SEPTIN9: variants seen among roughly 807,000 people sequenced by gnomAD.
SEPTIN9 encodes septin 9.
Under a neutral mutation model 56.6 loss-of-function variants are expected in SEPTIN9, and 13 were observed. That is an observed-to-expected ratio of 0.23 (90% CI 0.15 to 0.37). The LOEUF is 0.37. Among genes scored for constraint, SEPTIN9 ranks in the 10% least tolerant of loss-of-function variants. SEPTIN9 has a pLI of 1.00. For missense variants in SEPTIN9, 650 were observed against 823.1 expected (o/e 0.79, Z 2.57); for synonymous variants, 332 against 334.1 (o/e 0.99, Z 0.07).
At chr17:77,373,351 G>C (rs2034788136) in intron 2 of SEPTIN9, 12 of 1,189,330 alleles carry the variant, frequency 1.0e-5, no homozygotes, top group Non-Finnish European at 1.2e-5. Flanking sequence ...ATTCAGCTGA[G>C]CCAGGGGGCC....
chr17:77,398,960 C>T (rs973092967), intron 2 of SEPTIN9, among the ~76,000 whole-genome samples: 4 of 152,148 alleles, frequency 2.6e-5, no homozygotes, highest in African/African-American at 9.7e-5. Flanking sequence ...CATGAAAAGA[C>T]ACCAAGCATT....
chr17:77,287,865 A>C lies in SEPTIN9; in HGVS notation c.19+6311A>C. 14 of 1,015,082 alleles carry C rather than the reference A, an allele frequency of 1.4e-5. No homozygotes were observed. The East Asian group carries it at 3.3e-4, about 24-fold the overall frequency. 62.9% of individuals were successfully genotyped at this position (1,015,082 alleles called of 1,614,324 possible). On this transcript the variant is annotated intron_variant, in intron 1 of 11. Transcript: ENST00000427177. Reference sequence around the variant, plus strand: ...ACAGGAAACAGGAGTGGCGCAGGGAATGTAAGATGATCCCAGCTTCAAGTC... The same window carrying C: ...ACAGGAAACAGGAGTGGCGCAGGGACTGTAAGATGATCCCAGCTTCAAGTC...
chr17:77,485,949 G>A (rs1269426078), intron 4 of SEPTIN9, among the ~76,000 whole-genome samples: 1 of 151,628 alleles, frequency 6.6e-6, no homozygotes, highest in Non-Finnish European at 1.5e-5. Flanking sequence ...AGTGATTCTC[G>A]TGCCTCAGGC....
chr17:77,441,695 T>A (rs2037553313), intron 3 of SEPTIN9, among the ~76,000 whole-genome samples: 1 of 152,184 alleles, frequency 6.6e-6, no homozygotes, highest in African/African-American at 2.4e-5. Context: ...GCTGAAGATT[T>A]TTCTTTCCGT....
chr17:77,297,706 G>A (rs113945231), intron 1 of SEPTIN9, among the ~76,000 whole-genome samples: 1 of 152,236 alleles, frequency 6.6e-6, no homozygotes, highest in Non-Finnish European at 1.5e-5. Flanking sequence ...AAGCACTGGG[G>A]CACAGCAGTG....
intron 2 of SEPTIN9, chr17:77,374,556 C>T (rs1256938669): frequency 6.6e-6 from 1 of 152,394 alleles, no homozygotes; most frequent in East Asian, 1.9e-4. Flanking sequence ...CCTAGGCTGA[C>T]TTGGGCAGAG....
In SEPTIN9 at chr17:77,488,807, G is replaced by T; in HGVS notation, c.1205G>T (p.Arg402Leu). 1 of 1,613,782 alleles carries T rather than the reference G, an allele frequency of 6.2e-7. No individual in the cohort carries two copies. The highest frequency in any genetic ancestry group is 1.1e-5 in the South Asian group (1 of 91,088). Residue 402 changes from arginine (R) to leucine (L), a missense_variant, in exon 7 of 12, where the codon CGC becomes CTC. Coordinates refer to ENST00000427177, the MANE Select transcript of SEPTIN9 (RefSeq NM_001113491.2). Reference sequence around the variant, plus strand: ...GAGGTCAACATCAACCGCAAGAAGCGCATCCCGGACACCCGCGTCCACTGC... The same window carrying T: ...GAGGTCAACATCAACCGCAAGAAGCTCATCCCGGACACCCGCGTCCACTGC... ...QEEVNINRKK[R>L]IPDTRVHCCL...
At chr17:77,296,054 T>C (rs1244098831) in intron 1 of SEPTIN9, among the ~76,000 whole-genome samples, 1 of 152,020 alleles carries the variant, frequency 6.6e-6, no homozygotes, top group Non-Finnish European at 1.5e-5. Context: ...GATGTCCTTA[T>C]AAGAAGAGGG....
chr17:77,389,360 T>C lies in SEPTIN9; in HGVS notation c.77-12699T>C, dbSNP rs2035452806. Among the ~76,000 whole-genome samples the C allele has an allele frequency of 1.3e-5, 2 of 151,910 alleles. No homozygotes were observed. The highest frequency in any genetic ancestry group is 6.6e-5 in the Admixed American group (1 of 15,264). ...CAGGAGCCAGCATCACGTTTCTCTG[T>C]CTCCAGAATCGAGGACGGAGAGCTG... On this transcript the variant is annotated intron_variant, in intron 2 of 11. Transcript: ENST00000427177. The surrounding 1 kb of genome is among the most constrained non-coding windows in gnomAD (Gnocchi z 4.3).
chr17:77,499,697 T>C lies in SEPTIN9; in HGVS notation c.*1039T>C. 1.5e-5 allele frequency: 6 copies of C among 394,320 alleles called. No individual in the cohort carries two copies. Among genetic ancestry groups the C allele is most frequent in the Non-Finnish European group, 2.9e-5 (6 of 210,324 alleles). 24.4% of individuals were successfully genotyped at this position (394,320 alleles called of 1,614,324 possible). On this transcript the variant is annotated 3_prime_UTR_variant, in exon 12 of 12. Coordinates refer to ENST00000427177, the MANE Select transcript of SEPTIN9 (RefSeq NM_001113491.2). ...CCGTCTGTCTGTCTAGTGTCTGGGT[T>C]TGGCCCAAGACTGGGCTGTAGTTAC...
chr17:77,316,715 T>TCC (rs2032721421), intron 2 of SEPTIN9, among the ~76,000 whole-genome samples: 3 of 139,784 alleles, frequency 2.1e-5, no homozygotes, highest in African/African-American at 7.8e-5. Flanking sequence ...TTTTTTTTTT[T>TCC]TTTTAATTTG....
intron 2 of SEPTIN9, among the ~76,000 whole-genome samples, chr17:77,328,009 G>T (rs1230583790): frequency 6.6e-6 from 1 of 150,956 alleles, no homozygotes; most frequent in Non-Finnish European, 1.5e-5. Flanking sequence ...GTGTCCCCGT[G>T]CCTAGTGTGT....
In SEPTIN9 at chr17:77,487,400, AC is replaced by A. The variant is rs1444369054; in HGVS notation, c.914-22del. The A allele has an allele frequency of 6.3e-7, 1 of 1,583,072 alleles. No individual in the cohort carries two copies. Among genetic ancestry groups the A allele is most frequent in the Non-Finnish European group, 8.6e-7 (1 of 1,165,622 alleles). On this transcript the variant is annotated intron_variant, in intron 4 of 11. Coordinates refer to ENST00000427177, the MANE Select transcript of SEPTIN9 (RefSeq NM_001113491.2). This position sits in a 1 kb window ranked among gnomAD's most constrained non-coding sequence, Gnocchi z 4.3. ...GCTGGTCTCTCCGGAGAGACCCCTG[AC>A]CGGCCTCCCATCCTCTCCCCAGGGC... is the stretch of plus-strand genomic sequence containing the variant.
intron 3 of SEPTIN9, among the ~76,000 whole-genome samples, chr17:77,420,111 A>G (rs981574526): frequency 2.6e-5 from 4 of 152,038 alleles, no homozygotes; most frequent in Non-Finnish European, 5.9e-5. Context: ...GTGGCAGCCT[A>G]GGGGAGCCCT....
rs938351875 is a variant in SEPTIN9 at position 77,402,845 on chromosome 17, G to C, written c.721+142G>C. 1 of 810,006 alleles carries C rather than the reference G, an allele frequency of 1.2e-6. No homozygotes were observed. The highest frequency in any genetic ancestry group is 2.0e-5 in the South Asian group (1 of 50,308). The allele number at this position is 810,006 out of a possible 1,614,324, so 50.2% of individuals were successfully genotyped here. A position where few individuals can be genotyped will look rare whatever the true frequency, so the allele number is the denominator to read the frequency against. On this transcript the variant is annotated intron_variant, in intron 3 of 11. Coordinates refer to ENST00000427177, the MANE Select transcript of SEPTIN9 (RefSeq NM_001113491.2). This position sits in a 1 kb window ranked among gnomAD's most constrained non-coding sequence, Gnocchi z 6.6. ...GACCCAGAAAGACCGGAATGCATGG[G>C]GGTGGGGGTCTGCAAGCTCAGGAGA...
intron 2 of SEPTIN9, among the ~76,000 whole-genome samples, chr17:77,353,140 A>G (rs923473153): frequency 2.0e-5 from 3 of 152,204 alleles, no homozygotes; most frequent in Admixed American, 6.5e-5. Flanking sequence ...TCTCACCCAC[A>G]GAACGAACGG....
In SEPTIN9 at chr17:77,402,352, G is replaced by A. The variant is rs1221302714; in HGVS notation, c.370G>A (p.Ala124Thr). Residue 124 changes from alanine (A) to threonine (T), a missense_variant, in exon 3 of 12, where the codon GCC becomes ACC. Physicochemically the swap from Ala to Thr is moderately conservative, Grantham distance 58 (BLOSUM62 0). Transcript: ENST00000427177. This position sits in a 1 kb window ranked among gnomAD's most constrained non-coding sequence, Gnocchi z 6.6. ...ISSKQVENAG[A>T]IGPSRFGLKR... ...GTCCAAGCAGGTGGAGAACGCCGGGGCCATCGGCCCGTCCCGGTTCGGGCT... is the reference window on the plus strand; with the variant it reads ...GTCCAAGCAGGTGGAGAACGCCGGGACCATCGGCCCGTCCCGGTTCGGGCT... 7 of 1,612,380 alleles carry A rather than the reference G, an allele frequency of 4.3e-6. No homozygotes were observed. Among genetic ancestry groups the A allele is most frequent in the African/African-American group, 1.3e-5 (1 of 74,936 alleles).
chr17:77,454,460 G>C (rs1233664087), intron 3 of SEPTIN9: 1 of 813,546 alleles, frequency 1.2e-6, no homozygotes, highest in Non-Finnish European at 1.5e-6. Flanking sequence ...GTACGTGTGA[G>C]TTTGTTTGAT....
intron 1 of SEPTIN9, among the ~76,000 whole-genome samples, chr17:77,291,375 C>T (rs1339292287): frequency 3.3e-5 from 5 of 149,808 alleles, no homozygotes; most frequent in African/African-American, 4.9e-5. Context: ...CAGCCGGGCG[C>T]GGTGGCTCAT....
Sources: allele counts gnomAD v4.1 joint callset (sites outside exome capture counted in the v4.1 genomes callset), GRCh38; gene constraint gnomAD v4.1.1; non-coding constraint Gnocchi (gnomAD v3.1); transcripts MANE v1.5; gene names NCBI Gene and HGNC (gene_info 2026-07-23, HGNC 2026-07-21).